Variants in NCEH1 observed in about 807,000 individuals in gnomAD.
NCEH1 encodes neutral cholesterol ester hydrolase 1, also known as 2-acetyl MAGE hydrolase.
NCEH1 carries 9 observed loss-of-function variants against 25.4 expected under a neutral mutation model. That is an observed-to-expected ratio of 0.35 (90% CI 0.21 to 0.62). The LOEUF (loss-of-function observed/expected upper bound fraction) is 0.62, where lower values mean the gene tolerates loss of function less well. Among genes scored for constraint, NCEH1 ranks in the 20% least tolerant of loss-of-function variants. The probability of loss-of-function intolerance (pLI) is 0.72; values close to 1 mark genes in which losing one functional copy is unlikely to be tolerated. For synonymous variants in NCEH1, 200 were observed against 199.8 expected, an observed-to-expected ratio of 1.00 and a Z score of -0.01; for missense variants, 412 against 501.1, an observed-to-expected ratio of 0.82 and a Z score of 1.70.
At chr3:172,641,061 T>G (rs1332156884) in intron 3 of NCEH1, among the ~76,000 whole-genome samples, 1 of 151,960 alleles carries the variant, frequency 6.6e-6, no homozygotes, top group Non-Finnish European at 1.5e-5. Flanking sequence ...ACTGCACCAT[T>G]GCACTCCACC....
At chr3:172,686,745 A>G (rs1576768908) in intron 1 of NCEH1, among the ~76,000 whole-genome samples, 1 of 152,186 alleles carries the variant, frequency 6.6e-6, no homozygotes, top group East Asian at 1.9e-4. Flanking sequence ...TACATGCTAA[A>G]CTTTCCGCAC....
At chr3:172,648,298 A>G (rs144429021) in intron 1 of NCEH1, among the ~76,000 whole-genome samples, 184 bp from the exon 2 acceptor site, 1 of 152,290 alleles carries the variant, frequency 6.6e-6, no homozygotes, top group African/African-American at 2.4e-5. Context: ...AAATATTTTC[A>G]TACATGAGAT....
At chr3:172,650,716 G>A (rs1044125250) in intron 1 of NCEH1, among the ~76,000 whole-genome samples, 2 of 149,662 alleles carry the variant, frequency 1.3e-5, no homozygotes, top group Non-Finnish European at 3.0e-5. Context: ...GGAGGCTGAG[G>A]TAAGCGAATC....
At chr3:172,702,492 C>T (rs1713751895) in intron 1 of NCEH1, among the ~76,000 whole-genome samples, 1 of 152,140 alleles carries the variant, frequency 6.6e-6, no homozygotes, top group South Asian at 2.1e-4. Context: ...GTTTATCATC[C>T]CTCACTTGAC....
At chr3:172,697,324 T>C (rs1365431989) in intron 1 of NCEH1, among the ~76,000 whole-genome samples, 2 of 152,104 alleles carry the variant, frequency 1.3e-5, no homozygotes, top group African/African-American at 4.8e-5. Context: ...CAATTCAACA[T>C]AAACAGTAAA....
In NCEH1 at chr3:172,633,610, G is replaced by A. The variant is rs758405639; in HGVS notation, c.1092C>T (p.Ala364=). The change falls in exon 5 of 5, where the codon GCC becomes GCT. Residue 364 remains alanine (A), a synonymous_variant. Coordinates refer to ENST00000475381, the MANE Select transcript of NCEH1 (RefSeq NM_020792.6). ...GIMYAKRLES[A]GVEVTLDHFE... ...AGTGATCCAGGGTCACCTCCACACC[G>A]GCACTCTCCAAACGCTTGGCATACA... The A allele has an allele frequency of 1.4e-5, 22 of 1,614,004 alleles. No individual in the cohort carries two copies. Among genetic ancestry groups the A allele is most frequent in the South Asian group, 1.1e-4 (10 of 91,074 alleles).
intron 3 of NCEH1, among the ~76,000 whole-genome samples, chr3:172,643,154 T>C (rs1716942150): frequency 1.3e-5 from 2 of 152,138 alleles, no homozygotes; most frequent in Admixed American, 1.3e-4. Flanking sequence ...TTGATCAGGC[T>C]GGTCTCGAAC....
rs190353840 is a variant in NCEH1, at chr3:172,661,727, T to G, written c.139-13613A>C. ...GGATTCCTAGGTATTTTATTCTCTT[T>G]GAAGCAACTGTGAATGGGAGTTCAC... On this transcript the variant is annotated intron_variant, in intron 1 of 4. Coordinates refer to ENST00000475381, the MANE Select transcript of NCEH1 (RefSeq NM_020792.6). 1.9e-3 allele frequency among the ~76,000 whole-genome samples: 292 copies of G among 152,302 alleles called. 3 individuals are homozygous for G. The highest frequency in any genetic ancestry group is 6.8e-3 in the African/African-American group (282 of 41,554).
intron 3 of NCEH1, among the ~76,000 whole-genome samples, chr3:172,641,161 T>G (rs945038497): frequency 2.6e-5 from 4 of 152,320 alleles, no homozygotes; most frequent in African/African-American, 7.2e-5. Flanking sequence ...ATAGTTAAAC[T>G]GCACTGAAAT....
intron 1 of NCEH1, among the ~76,000 whole-genome samples, chr3:172,660,374 A>G (rs1717918151): frequency 6.6e-6 from 1 of 152,102 alleles, no homozygotes; most frequent in South Asian, 2.1e-4. Flanking sequence ...CCAGTCTATC[A>G]TTGATGGACA....
chr3:172,683,125 C>CCA (rs1712483141), intron 1 of NCEH1, among the ~76,000 whole-genome samples: 1 of 64,016 alleles, frequency 1.6e-5, no homozygotes, highest in African/African-American at 7.4e-5. Flanking sequence ...GAGGCAGGGC[C>CCA]GGGCGCGGTG....
Position 172,632,550 on chromosome 3 carries a change from G to T in NCEH1, c.*925C>A, listed in dbSNP as rs7432459. The T allele has an allele frequency of 0.19, 29,358 of 152,392 alleles. 3,332 individuals carry two copies. The highest frequency in any genetic ancestry group is 0.26 in the Non-Finnish European group (17,623 of 67,962). 9.4% of individuals were successfully genotyped at this position (152,392 alleles called of 1,614,324 possible). A position where few individuals can be genotyped will look rare whatever the true frequency, so the allele number is the denominator to read the frequency against. On this transcript the variant is annotated 3_prime_UTR_variant, in exon 5 of 5. Transcript: ENST00000475381. ...TTCTAAAGGTATTTTTAACAATTTT[G>T]AACTAATATTAAATGTATTTTCTTT...
chr3:172,660,937 A>G (rs922486842), intron 1 of NCEH1, among the ~76,000 whole-genome samples: 5 of 152,108 alleles, frequency 3.3e-5, no homozygotes, highest in Non-Finnish European at 7.4e-5. Flanking sequence ...GTTCACTTTG[A>G]TGGTAGTTTC....
At chr3:172,691,365 TC>T (rs1224217957) in intron 1 of NCEH1, among the ~76,000 whole-genome samples, 1 of 30,694 alleles carries the variant, frequency 3.3e-5, no homozygotes, top group African/African-American at 1.9e-4. Flanking sequence ...TCTAGATCTC[TC>T]CTTCATTTTT....
intron 1 of NCEH1, among the ~76,000 whole-genome samples, chr3:172,683,610 TG>T (rs1224068817): frequency 7.2e-6 from 1 of 138,628 alleles, no homozygotes; most frequent in East Asian, 1.9e-4. Context: ...GACTGGAGGT[TG>T]AAGTTATAGT....
intron 1 of NCEH1, among the ~76,000 whole-genome samples, chr3:172,701,673 C>T (rs1008646206): frequency 5.4e-5 from 8 of 147,216 alleles, no homozygotes; most frequent in African/African-American, 2.0e-4. Context: ...ACCATACCGG[C>T]CAGGCTGGTC....
chr3:172,636,563 T>C (rs1390067109), intron 3 of NCEH1, among the ~76,000 whole-genome samples: 4 of 152,228 alleles, frequency 2.6e-5, no homozygotes, highest in African/African-American at 7.2e-5. Context: ...ATAATAAAAC[T>C]GTACTTCACT....
intron 1 of NCEH1, among the ~76,000 whole-genome samples, chr3:172,676,426 C>A (rs1712001308): frequency 1.3e-5 from 2 of 152,078 alleles, no homozygotes; most frequent in South Asian, 4.1e-4. Flanking sequence ...TCATGGCGAT[C>A]CGTATTTGCA....
At chr3:172,651,321 T>C (rs1717394435) in intron 1 of NCEH1, among the ~76,000 whole-genome samples, 1 of 152,140 alleles carries the variant, frequency 6.6e-6, no homozygotes, top group African/African-American at 2.4e-5. Flanking sequence ...GCGATAACAT[T>C]TGCATGTCTA....
Sources: gnomAD v4.1 joint callset for allele counts (sites outside exome capture counted in the v4.1 genomes callset) on GRCh38, gnomAD v4.1.1 for gene constraint, MANE v1.5 for transcripts, NCBI Gene and HGNC (gene_info 2026-07-23, HGNC 2026-07-21) for gene names.